Variants in PODNL1 observed in about 807,000 individuals in gnomAD.
PODNL1 encodes podocan-like protein 1.
Under a neutral mutation model 45.1 loss-of-function variants are expected in PODNL1, and 50 were observed. That is an observed-to-expected ratio of 1.11 (90% confidence interval 0.88 to 1.40). The LOEUF (loss-of-function observed/expected upper bound fraction) is 1.40. Ranked by LOEUF, PODNL1 falls within the 40% of genes most tolerant of loss-of-function variation. The probability of loss-of-function intolerance (pLI) is 0.00; values close to 1 mark genes in which losing one functional copy is unlikely to be tolerated. For synonymous variants in PODNL1, 406 were observed against 372.5 expected (o/e 1.09, Z -1.04); for missense variants, 788 against 793.3 (o/e 0.99, Z 0.08).
chr19:13,951,158 G>T (rs538251172), intron 1 of PODNL1, among the ~76,000 whole-genome samples: 26 of 150,758 alleles, frequency 1.7e-4, no homozygotes, highest in African/African-American at 6.3e-4. Flanking sequence ...TAAAACCCTT[G>T]AAATCAGCTG....
intron 1 of PODNL1, among the ~76,000 whole-genome samples, chr19:13,951,407 GGGAGGATCAC>G (rs1973023144): frequency 6.6e-6 from 1 of 152,128 alleles, no homozygotes; most frequent in South Asian, 2.1e-4. Flanking sequence ...AAGCAGAGGT[GGGAGGATCAC>G]TTGAGCCCAG....
At chr19:13,950,460 G>A (rs1335523215) in intron 1 of PODNL1, among the ~76,000 whole-genome samples, 6 of 152,238 alleles carry the variant, frequency 3.9e-5, no homozygotes, top group African/African-American at 1.2e-4. Flanking sequence ...ATGAGCCACC[G>A]CACCTGGCCT....
chr19:13,951,539 T>C (rs757739866), intron 1 of PODNL1, among the ~76,000 whole-genome samples: 1 of 151,814 alleles, frequency 6.6e-6, no homozygotes, highest in Non-Finnish European at 1.5e-5. Context: ...TTGGGAGGCC[T>C]AGGCGGGCGG....
chr19:13,941,844 G>A (rs1208799178), upstream of PODNL1, among the ~76,000 whole-genome samples: 2 of 152,156 alleles, frequency 1.3e-5, no homozygotes. Context: ...CATGGGCCAA[G>A]AGAGGTGGTT....
chr19:13,949,523 G>A (rs1042990672), intron 1 of PODNL1: 8 of 151,946 alleles, frequency 5.3e-5, no homozygotes, highest in Non-Finnish European at 1.0e-4. Context: ...AACAGTTGCC[G>A]AGGCTGGTCA....
At chr19:13,938,151 C>A in intron 1 of PODNL1, 28 bp downstream of exon 1, 1 of 1,590,004 alleles carries the variant, frequency 6.3e-7, no homozygotes, top group Non-Finnish European at 8.6e-7. Flanking sequence ...CAGGCCCCAC[C>A]CTCAGACCCT....
chr19:13,934,516 T>C, intron 5 of PODNL1, 106 bp from the exon 6 acceptor site: 1 of 1,109,184 alleles, frequency 9.0e-7, no homozygotes, highest in Non-Finnish European at 1.2e-6. Flanking sequence ...TGTGTGTGTG[T>C]GTGTGTGTGT....
intron 5 of PODNL1, 123 bp from the exon 6 acceptor site, chr19:13,934,533 GCA>G: frequency 2.1e-6 from 2 of 957,776 alleles, no homozygotes; most frequent in Non-Finnish European, 2.9e-6. Context: ...GTGTGCGCGC[GCA>G]TGTGTGGAGT....
Position 13,938,023 on chromosome 19 carries a change from G to A in PODNL1, c.4-17C>T. 2 of 1,491,946 alleles carry A rather than the reference G, an allele frequency of 1.3e-6. No individual in the cohort carries two copies. Among genetic ancestry groups the A allele is most frequent in the Non-Finnish European group, 1.8e-6 (2 of 1,105,740 alleles). 92.4% of individuals were successfully genotyped at this position (1,491,946 alleles called of 1,614,324 possible). ...GCTCGGCCACTGCGGGGGAGGGAGG[G>A]TCAGCGTGTCTCCAGGCTGGGCGCA... On this transcript the variant is annotated splice_polypyrimidine_tract_variant and intron_variant, in intron 1 of 9. Coordinates refer to ENST00000588872, the MANE Select transcript of PODNL1 (RefSeq NM_001370095.3).
Position 13,937,867 on chromosome 19 carries a change from ACT to A in PODNL1, c.141_142del (p.Val48ArgfsTer6), listed in dbSNP as rs1425523724. 6.3e-7 allele frequency: 1 copy of A among 1,588,312 alleles called. No homozygotes were observed. Among genetic ancestry groups the A allele is most frequent in the African/African-American group, 1.3e-5 (1 of 74,662 alleles). On this transcript the variant is annotated frameshift_variant, in exon 2 of 10. Coordinates refer to ENST00000588872, the MANE Select transcript of PODNL1 (RefSeq NM_001370095.3). LOFTEE classifies it high-confidence loss of function. ...CAAGCCATCACAGTCCACAGTGTCG[ACT>A]CGGGGGCAGGAGCAGCGCAGGGGAC... is the stretch of plus-strand genomic sequence containing the variant.
chr19:13,939,485 T>C (rs1226235257), upstream of PODNL1, among the ~76,000 whole-genome samples: 1 of 152,050 alleles, frequency 6.6e-6, no homozygotes, highest in East Asian at 1.9e-4. Context: ...GTGCTCGGAT[T>C]ACAGGCATGA....
In PODNL1 at chr19:13,933,550, T is replaced by C; in HGVS notation, c.768-95A>G. ...GGCTGGGGAGTGGTCCTGAGACAGA[T>C]TTAAGCTGGAGATTTTGACTTGGGA... On this transcript the variant is annotated intron_variant, in intron 7 of 9. Coordinates refer to ENST00000588872, the MANE Select transcript of PODNL1 (RefSeq NM_001370095.3). The surrounding 1 kb of genome is among the most constrained non-coding windows in gnomAD (Gnocchi z 5.2). 7.5e-7 allele frequency: 1 copy of C among 1,325,152 alleles called. No individual in the cohort carries two copies. The highest frequency in any genetic ancestry group is 1.0e-6 in the Non-Finnish European group (1 of 984,874). 82.1% of individuals were successfully genotyped at this position (1,325,152 alleles called of 1,614,324 possible). A position where few individuals can be genotyped will look rare whatever the true frequency, so the allele number is the denominator to read the frequency against.
intron 1 of PODNL1, among the ~76,000 whole-genome samples, chr19:13,948,942 GAAA>G (rs554640847): frequency 7.9e-6 from 1 of 126,196 alleles, no homozygotes; most frequent in Admixed American, 8.1e-5. Flanking sequence ...CTCTGTCTCA[GAAA>G]AAAAAAAAAA....
chr19:13,934,179 G>A, intron 6 of PODNL1, 75 bp downstream of exon 6: 2 of 1,440,732 alleles, frequency 1.4e-6, no homozygotes, highest in Non-Finnish European at 1.9e-6. Context: ...AGAATGGAAA[G>A]CTAGGAACTG....
Position 13,938,020 on chromosome 19 carries a change from AG to A in PODNL1, c.4-15del, listed in dbSNP as rs1972497678. 5.3e-6 allele frequency: 8 copies of A among 1,498,944 alleles called. No homozygotes were observed. The highest frequency in any genetic ancestry group is 2.0e-5 in the Admixed American group (1 of 49,362). The allele number at this position is 1,498,944 out of a possible 1,614,324, so 92.9% of individuals were successfully genotyped here. On this transcript the variant is annotated splice_polypyrimidine_tract_variant and intron_variant, in intron 1 of 9. Transcript: ENST00000588872. ...CAGGCTCGGCCACTGCGGGGGAGGGAGGGTCAGCGTGTCTCCAGGCTGGGCG... is the reference window on the plus strand; with the variant it reads ...CAGGCTCGGCCACTGCGGGGGAGGGAGGTCAGCGTGTCTCCAGGCTGGGCG...
At chr19:13,937,705 C>T (rs926753895) in intron 2 of PODNL1, 80 bp downstream of exon 2, 5 of 1,352,734 alleles carry the variant, frequency 3.7e-6, no homozygotes, top group African/African-American at 1.4e-5. Context: ...CCACGCTCCT[C>T]AGCTCTGGGG....
rs1394960859 is a variant in PODNL1, at chr19:13,953,018, C to T, written c.18+101G>A. The T allele has an allele frequency of 1.1e-5, 14 of 1,330,982 alleles. No individual in the cohort carries two copies. The South Asian group carries it at 1.4e-4, about 13-fold the overall frequency. 82.4% of individuals were successfully genotyped at this position (1,330,982 alleles called of 1,614,324 possible). ...GTTGCTCCATAATGGAACCTTCCCG[C>T]CCCCTTTGCAGAGCCCCTGCCGCTG... On this transcript the variant is annotated intron_variant, in intron 1 of 7. Coordinates refer to the PODNL1 transcript ENST00000538371.
intron 1 of PODNL1, among the ~76,000 whole-genome samples, chr19:13,951,049 C>CA (rs59269074): frequency 0.15 from 10,170 of 66,446 alleles, 799 homozygotes; most frequent in Non-Finnish European, 0.2. Context: ...AACTCCATCT[C>CA]AAAAAAAAAA....
chr19:13,933,248 A>G lies in PODNL1; in HGVS notation c.975T>C (p.Ala325=). ...QLGSSGLPAG[A]LRPLRGLHTL... is the part of the protein sequence containing the mutation. Reference sequence around the variant, plus strand: ...TGTGCAGGCCCCGCAGCGGCCGCAGAGCCCCGGCGGGCAGCCCTGAGCTCC... The same window carrying G: ...TGTGCAGGCCCCGCAGCGGCCGCAGGGCCCCGGCGGGCAGCCCTGAGCTCC... The change falls in exon 8 of 10, where the codon GCT becomes GCC. Residue 325 remains alanine, a synonymous_variant. Coordinates refer to ENST00000588872, the MANE Select transcript of PODNL1 (RefSeq NM_001370095.3). The surrounding 1 kb of genome is among the most constrained non-coding windows in gnomAD (Gnocchi z 5.2). 1 of 1,548,460 alleles carries G rather than the reference A, an allele frequency of 6.5e-7. No individual in the cohort carries two copies. The highest frequency in any genetic ancestry group is 8.7e-7 in the Non-Finnish European group (1 of 1,152,122).
Sources: allele counts gnomAD v4.1 joint callset (sites outside exome capture counted in the v4.1 genomes callset), GRCh38; gene constraint gnomAD v4.1.1; non-coding constraint Gnocchi (gnomAD v3.1); transcripts MANE v1.5; gene names NCBI Gene and HGNC (gene_info 2026-07-23, HGNC 2026-07-21).